SKAP2: variants seen among roughly 807,000 people sequenced by gnomAD.
SKAP2 encodes the protein src kinase-associated phosphoprotein 2.
SKAP2 carries 28 observed loss-of-function variants against 54.9 expected under a neutral mutation model. The observed-to-expected ratio is 0.51, with a 90% CI of 0.38 to 0.70. SKAP2 has a LOEUF of 0.70. Ranked by LOEUF, SKAP2 falls within the 30% of genes least tolerant of loss-of-function variation. The probability of loss-of-function intolerance (pLI) is 0.00; values close to 1 mark genes in which losing one functional copy is unlikely to be tolerated. For synonymous variants in SKAP2, 137 were observed against 134.3 expected, an observed-to-expected ratio of 1.02 and a Z score of -0.14; for missense variants, 356 against 424.1, an observed-to-expected ratio of 0.84 and a Z score of 1.41.
At chr7:26,761,925 T>C (rs1782940946) in intron 4 of SKAP2, among the ~76,000 whole-genome samples, 1 of 151,982 alleles carries the variant, frequency 6.6e-6, no homozygotes, top group South Asian at 2.1e-4. Context: ...TATAATAGGG[T>C]GACCTTTCCA....
At position 26,740,094 on chromosome 7, in the gene SKAP2, T is replaced by G. The variant is rs184391820; in HGVS notation, c.308-130A>C. ...TGTTTAAATCTAAGTCTATTAGCTT[T>G]GTTTCAGATCCATTCCCTAGATTAA... On this transcript the variant is annotated intron_variant, in intron 4 of 12. Transcript: ENST00000345317. 2.0e-5 allele frequency: 12 copies of G among 585,894 alleles called. No homozygotes were observed. The Admixed American group carries it at 3.9e-4, about 19-fold the overall frequency. The allele number at this position is 585,894 out of a possible 1,614,324, so 36.3% of individuals were successfully genotyped here.
chr7:26,843,687 AAAAT>A (rs1430983868), intron 4 of SKAP2, among the ~76,000 whole-genome samples: 3 of 151,990 alleles, frequency 2.0e-5, no homozygotes, highest in East Asian at 1.9e-4. Flanking sequence ...TATTATTTAT[AAAAT>A]AAATAATACA....
chr7:26,743,069 A>AACAT (rs770496633), intron 4 of SKAP2, among the ~76,000 whole-genome samples: 6 of 152,214 alleles, frequency 3.9e-5, no homozygotes, highest in Non-Finnish European at 7.4e-5. Flanking sequence ...TCTGCCAGGC[A>AACAT]ACAACAAAGA....
In SKAP2 at chr7:26,725,998, C is replaced by G; in HGVS notation, c.595-12G>C. 2 of 1,591,138 alleles carry G rather than the reference C, an allele frequency of 1.3e-6. No homozygotes were observed. The highest frequency in any genetic ancestry group is 1.7e-6 in the Non-Finnish European group (2 of 1,161,806). On this transcript the variant is annotated splice_polypyrimidine_tract_variant and intron_variant, in intron 7 of 12. Coordinates refer to ENST00000345317, the MANE Select transcript of SKAP2 (RefSeq NM_003930.5). ...GAAGCTGCTGTAAACTAATATAAAA[C>G]AAACAGTAAGAACGAAAATCACCAT...
chr7:26,690,383 T>C (rs370473519), intron 9 of SKAP2, 21 bp from the exon 10 acceptor site: 24 of 1,540,788 alleles, frequency 1.6e-5, no homozygotes, highest in Middle Eastern at 1.7e-4. Context: ...ACATTATCAA[T>C]GGCACATTGA....
intron 4 of SKAP2, among the ~76,000 whole-genome samples, chr7:26,831,823 T>C (rs779241791): frequency 2.0e-5 from 3 of 152,048 alleles, no homozygotes; most frequent in Non-Finnish European, 4.4e-5. Context: ...TCCCATACCT[T>C]AGTCACTCTA....
chr7:26,733,146 T>C (rs1057021401), intron 6 of SKAP2, among the ~76,000 whole-genome samples: 1 of 151,346 alleles, frequency 6.6e-6, no homozygotes, highest in Non-Finnish European at 1.5e-5. Flanking sequence ...AAAAAAAAAG[T>C]TTATTGTGAT....
chr7:26,769,888 G>A (rs1420110222), intron 4 of SKAP2, among the ~76,000 whole-genome samples: 7 of 152,208 alleles, frequency 4.6e-5, no homozygotes, highest in Non-Finnish European at 1.0e-4. Context: ...GGTGTCTGTC[G>A]ACCCCTGCTG....
intron 4 of SKAP2, among the ~76,000 whole-genome samples, chr7:26,787,975 C>T (rs1299382804): frequency 1.3e-5 from 2 of 152,160 alleles, no homozygotes; most frequent in African/African-American, 2.4e-5. Flanking sequence ...CATGCCTCAG[C>T]CCCCTGAATA....
chr7:26,681,017 C>T (rs1040384745), intron 11 of SKAP2, among the ~76,000 whole-genome samples: 1 of 152,104 alleles, frequency 6.6e-6, no homozygotes, highest in African/African-American at 2.4e-5. Context: ...GCACAGCTAA[C>T]ATTCCATCAA....
chr7:26,797,099 G>A (rs1394085034), intron 4 of SKAP2, among the ~76,000 whole-genome samples: 2 of 152,204 alleles, frequency 1.3e-5, no homozygotes, highest in Non-Finnish European at 2.9e-5. Flanking sequence ...TTCCTGGATG[G>A]TACTTCTGGA....
intron 9 of SKAP2, among the ~76,000 whole-genome samples, chr7:26,716,015 G>T (rs1787426542): frequency 6.6e-6 from 1 of 152,170 alleles, no homozygotes; most frequent in Non-Finnish European, 1.5e-5. Context: ...ACCATAGTCT[G>T]TATAACACAG....
intron 9 of SKAP2, among the ~76,000 whole-genome samples, chr7:26,721,396 G>GA (rs1787574322): frequency 6.6e-6 from 1 of 152,030 alleles, no homozygotes; most frequent in Middle Eastern, 3.4e-3. Flanking sequence ...TAGTCTCATG[G>GA]AAAAAAATTA....
intron 1 of SKAP2, 81 bp from the exon 2 acceptor site, chr7:26,854,971 T>G: frequency 1.0e-6 from 1 of 979,530 alleles, no homozygotes; most frequent in East Asian, 2.6e-5. Context: ...AATGATTGTT[T>G]CTACATATAA....
At chr7:26,743,198 T>C (rs541446362) in intron 4 of SKAP2, among the ~76,000 whole-genome samples, 86 of 152,276 alleles carry the variant, frequency 5.6e-4, no homozygotes, top group African/African-American at 2.0e-3. Context: ...ATTCAAACCT[T>C]GTCCTAAAAA....
At chr7:26,738,062 G>T (rs907449313) in intron 6 of SKAP2, among the ~76,000 whole-genome samples, 38 of 152,194 alleles carry the variant, frequency 2.5e-4, no homozygotes, top group African/African-American at 9.2e-4. Context: ...AGGGTGTGAT[G>T]ACTACACCTG....
At chr7:26,661,240 C>T in the SKAP2 span, among the ~76,000 whole-genome samples, 1 of 151,964 alleles carries the variant, frequency 6.6e-6, no homozygotes, top group Non-Finnish European at 1.5e-5. Flanking sequence ...CATTTCTAGC[C>T]CCATATTTTC....
At chr7:26,682,674 A>C (rs1397909752) in intron 11 of SKAP2, among the ~76,000 whole-genome samples, 2 of 152,206 alleles carry the variant, frequency 1.3e-5, no homozygotes, top group Non-Finnish European at 2.9e-5. Context: ...CAGAGGAAGT[A>C]CTTTCGATCA....
rs551833719 is a variant in SKAP2 at position 26,855,448 on chromosome 7, T to C, written c.68-558A>G. 3.7e-4 allele frequency among the ~76,000 whole-genome samples: 56 copies of C among 152,150 alleles called. No homozygotes were observed. The South Asian group carries it at 4.6e-3, about 12-fold the overall frequency. On this transcript the variant is annotated intron_variant, in intron 1 of 12. Transcript: ENST00000345317. ...AGATTCCCAAATCAAGCCCTCCTTC[T>C]TCCTACCTACACACTCATTCTGACT...
Sources: gnomAD v4.1 joint callset for allele counts (sites outside exome capture counted in the v4.1 genomes callset) on GRCh38, gnomAD v4.1.1 for gene constraint, MANE v1.5 for transcripts, NCBI Gene and HGNC (gene_info 2026-07-23, HGNC 2026-07-21) for gene names.